PBRM1: variants seen among roughly 807,000 people sequenced by gnomAD.
PBRM1 encodes the protein protein polybromo-1.
Under a neutral mutation model 194.5 loss-of-function variants are expected in PBRM1, and 27 were observed. That is an observed-to-expected ratio of 0.14 (90% confidence interval 0.10 to 0.19). The LOEUF is 0.19. Among genes scored for constraint, PBRM1 ranks in the 10% least tolerant of loss-of-function variants. The pLI is 1.00. For missense variants in PBRM1, 1,466 were observed against 2,077.2 expected (o/e 0.71, Z 5.72); for synonymous variants, 655 against 693.2 (o/e 0.94, Z 0.87).
At chr3:52,630,401 TTTAAA>T (rs1369299339) in intron 11 of PBRM1, among the ~76,000 whole-genome samples, 3 of 152,206 alleles carry the variant, frequency 2.0e-5, no homozygotes, top group African/African-American at 7.2e-5. Context: ...TGTGTGGCTA[TTTAAA>T]TTAAAATTAA....
chr3:52,674,756 T>C (rs2097058383), intron 2 of PBRM1, among the ~76,000 whole-genome samples: 1 of 149,800 alleles, frequency 6.7e-6, no homozygotes, highest in African/African-American at 2.4e-5. Flanking sequence ...TCCAGCATAT[T>C]TTTACATATA....
At chr3:52,554,354 T>G (rs922079271) in intron 27 of PBRM1, among the ~76,000 whole-genome samples, 1 of 152,254 alleles carries the variant, frequency 6.6e-6, no homozygotes, top group Non-Finnish European at 1.5e-5. Context: ...CATGTTACTC[T>G]GAACTAGCAA....
At chr3:52,571,857 A>AC (rs1180672414) in intron 22 of PBRM1, among the ~76,000 whole-genome samples, 3 of 47,980 alleles carry the variant, frequency 6.3e-5, no homozygotes, top group East Asian at 1.1e-3. Flanking sequence ...TCATCTCCCC[A>AC]AAAAAAAAAA....
At chr3:52,668,511 T>G in exon 3 of PBRM1, 1 of 1,602,912 alleles carries the variant, frequency 6.2e-7, no homozygotes, top group East Asian at 2.3e-5. Flanking sequence ...ATAATAGGAC[T>G]TTGCATTGTT....
At chr3:52,580,553 G>A (rs1214369201) in intron 20 of PBRM1, among the ~76,000 whole-genome samples, 4 of 151,886 alleles carry the variant, frequency 2.6e-5, no homozygotes, top group Admixed American at 6.6e-5. Context: ...TAGTAGAGAC[G>A]GGGTTTCACT....
At chr3:52,569,121 C>T (rs2086224180) in intron 22 of PBRM1, among the ~76,000 whole-genome samples, 2 of 152,092 alleles carry the variant, frequency 1.3e-5, no homozygotes, top group South Asian at 4.1e-4. Flanking sequence ...CTCCTAGGCT[C>T]AAGTGATCCA....
At chr3:52,601,673 C>T (rs1339741717) in intron 17 of PBRM1, among the ~76,000 whole-genome samples, 2 of 152,030 alleles carry the variant, frequency 1.3e-5, no homozygotes, top group Non-Finnish European at 2.9e-5. Context: ...ATGCTTTGGG[C>T]CCCAGAGTGG....
intron 17 of PBRM1, among the ~76,000 whole-genome samples, chr3:52,590,768 A>C (rs2092949757): frequency 1.3e-5 from 2 of 152,068 alleles, no homozygotes; most frequent in African/African-American, 2.4e-5. Flanking sequence ...TGGCTATCTA[A>C]ATTTTAAAAT....
At chr3:52,643,258 T>G (rs1458757274) in exon 9 of PBRM1, 3 of 1,610,650 alleles carry the variant, frequency 1.9e-6, no homozygotes, top group African/African-American at 2.7e-5. Context: ...CGGTAATACT[T>G]GCTAGTGGGA....
intron 3 of PBRM1, among the ~76,000 whole-genome samples, chr3:52,664,979 C>T (rs1459936711): frequency 6.6e-6 from 1 of 151,968 alleles, no homozygotes; most frequent in African/African-American, 2.4e-5. Flanking sequence ...AAATATATCA[C>T]AATGAAACTA....
intron 22 of PBRM1, among the ~76,000 whole-genome samples, chr3:52,568,908 A>G (rs563930426): frequency 1.2e-4 from 19 of 152,208 alleles, no homozygotes; most frequent in African/African-American, 4.6e-4. Context: ...TTTTTGAGAC[A>G]GGGTCTCACT....
chr3:52,638,343 G>C (rs1266287578), intron 10 of PBRM1, among the ~76,000 whole-genome samples: 3 of 151,800 alleles, frequency 2.0e-5, no homozygotes, highest in African/African-American at 4.8e-5. Flanking sequence ...TTTCTAAGTG[G>C]GAATATTTCA....
chr3:52,597,678 C>CGA (rs1249754494), intron 17 of PBRM1, among the ~76,000 whole-genome samples: 5 of 152,122 alleles, frequency 3.3e-5, no homozygotes, highest in Admixed American at 6.5e-5. Context: ...GCGATCCTCC[C>CGA]ATCTTAGCCT....
chr3:52,587,588 TTTA>T, intron 18 of PBRM1, 78 bp from the exon 21 acceptor site: 4 of 1,128,282 alleles, frequency 3.5e-6, no homozygotes, highest in African/African-American at 3.2e-5. Context: ...TTTTTTTTTT[TTTA>T]AAGAGACTGG....
intron 2 of PBRM1, among the ~76,000 whole-genome samples, chr3:52,671,544 T>C (rs2096950568): frequency 1.3e-5 from 2 of 152,258 alleles, no homozygotes; most frequent in African/African-American, 2.4e-5. Flanking sequence ...ACACCAGTTA[T>C]CTTTTAGTAG....
At chr3:52,654,751 G>C (rs994762926) in intron 5 of PBRM1, among the ~76,000 whole-genome samples, 1 of 152,080 alleles carries the variant, frequency 6.6e-6, no homozygotes, top group South Asian at 2.1e-4. Flanking sequence ...CTTCTATTTT[G>C]TGTGTATGTG....
chr3:52,577,138 C>T (rs910507074), intron 21 of PBRM1, among the ~76,000 whole-genome samples: 3 of 152,080 alleles, frequency 2.0e-5, no homozygotes, highest in Non-Finnish European at 4.4e-5. Context: ...AGGTCAAGAT[C>T]TAATATCCCT....
At chr3:52,615,268 A>T (rs564480439) in intron 15 of PBRM1, 83 bp downstream of exon 17, 1 of 752,318 alleles carries the variant, frequency 1.3e-6, no homozygotes, top group Admixed American at 2.2e-5. Flanking sequence ...TATATTCATA[A>T]TTTAATTAAA....
chr3:52,572,549 T>C (rs1323742676), intron 22 of PBRM1, among the ~76,000 whole-genome samples: 3 of 152,190 alleles, frequency 2.0e-5, no homozygotes. Context: ...TTTTTTTTTG[T>C]ATTTTTAGTA....
Sources: gnomAD v4.1 joint callset for allele counts (sites outside exome capture counted in the v4.1 genomes callset) on GRCh38, gnomAD v4.1.1 for gene constraint, MANE v1.5 for transcripts, NCBI Gene and HGNC (gene_info 2026-07-23, HGNC 2026-07-21) for gene names.